The following CAMK4 variants were observed in gnomAD, a reference collection of about 807,000 sequenced individuals.
CAMK4 encodes calcium/calmodulin dependent protein kinase IV.
Under a neutral mutation model 44.9 loss-of-function variants are expected in CAMK4, and 22 were observed. That is an observed-to-expected ratio of 0.49 (90% CI 0.35 to 0.70). The LOEUF (loss-of-function observed/expected upper bound fraction) is 0.70. Among genes scored for constraint, CAMK4 ranks in the 30% least tolerant of loss-of-function variants. The pLI is 0.01. For synonymous variants in CAMK4, 218 were observed against 215.4 expected, an observed-to-expected ratio of 1.01 and a Z score of -0.11; for missense variants, 498 against 586.8, an observed-to-expected ratio of 0.85 and a Z score of 1.56.
intron 1 of CAMK4, among the ~76,000 whole-genome samples, chr5:111,278,038 T>G (rs1306460330): frequency 2.6e-5 from 4 of 152,232 alleles, no homozygotes; most frequent in Admixed American, 2.6e-4. Context: ...ATTGTAGAAT[T>G]TGAAGAATCA....
intron 2 of CAMK4, among the ~76,000 whole-genome samples, chr5:111,363,711 A>G (rs1750686178): frequency 6.6e-6 from 1 of 152,038 alleles, no homozygotes; most frequent in Admixed American, 6.6e-5. Context: ...GGAAGAGGGA[A>G]CAGCAAATGC....
At chr5:111,228,073 G>A (rs1042856336) in intron 1 of CAMK4, among the ~76,000 whole-genome samples, 5 of 152,158 alleles carry the variant, frequency 3.3e-5, no homozygotes, top group African/African-American at 7.2e-5. Flanking sequence ...TGCAGATTTC[G>A]TCTGTGCATG....
intron 1 of CAMK4, among the ~76,000 whole-genome samples, chr5:111,242,296 G>A (rs1019956980): frequency 1.3e-5 from 2 of 152,048 alleles, no homozygotes; most frequent in African/African-American, 2.4e-5. Flanking sequence ...CTTTGAAGGG[G>A]TATAATAATA....
intron 1 of CAMK4, among the ~76,000 whole-genome samples, chr5:111,293,742 CTTTTT>C (rs35117453): frequency 1.3e-4 from 11 of 83,520 alleles, no homozygotes; most frequent in African/African-American, 4.3e-4. Context: ...TGCTGCTCTA[CTTTTT>C]TTTTTTTTTT....
chr5:111,300,121 A>G lies in CAMK4; in HGVS notation c.162-43903A>G, dbSNP rs368600532. Among the ~76,000 whole-genome samples, 13 of 152,358 alleles carry G rather than the reference A, an allele frequency of 8.5e-5. No individual in the cohort carries two copies. The East Asian group carries it at 1.5e-3, about 18-fold the overall frequency. On this transcript the variant is annotated intron_variant, in intron 1 of 10. Coordinates refer to ENST00000282356, the MANE Select transcript of CAMK4 (RefSeq NM_001744.6). ...AGAGAAAATGACCAGAGAATGGAAA[A>G]TGAAACAAAGCATGGAGTGATGAAG... is the stretch of plus-strand genomic sequence containing the variant.
rs746314655 is a variant in CAMK4, at chr5:111,224,546, G to A, written c.63G>A (p.Ala21=). 8.1e-6 allele frequency: 13 copies of A among 1,611,378 alleles called. No individual in the cohort carries two copies. The highest frequency in any genetic ancestry group is 1.1e-5 in the Non-Finnish European group (13 of 1,179,336). ...CCTGCTCTTCGGTCACCGCCAGTGC[G>A]GCCCCGGGGACCGCGAGCCTCGTCC... ...ASSCSSVTAS[A]APGTASLVPD... Residue 21 remains alanine, a synonymous_variant, in exon 1 of 11, where the codon GCG becomes GCA. Coordinates refer to ENST00000282356, the MANE Select transcript of CAMK4 (RefSeq NM_001744.6). The surrounding 1 kb of genome is among the most constrained non-coding windows in gnomAD (Gnocchi z 5.7).
At chr5:111,335,406 C>T (rs1023190058) in intron 1 of CAMK4, among the ~76,000 whole-genome samples, 1 of 151,292 alleles carries the variant, frequency 6.6e-6, no homozygotes, top group Non-Finnish European at 1.5e-5. Context: ...GGGTATCTGT[C>T]TCTCAGCTAG....
At chr5:111,248,346 AAATGTTT>A (rs34219139) in intron 1 of CAMK4, among the ~76,000 whole-genome samples, 47,775 of 151,698 alleles carry the variant, frequency 0.31, 7,793 homozygotes, top group South Asian at 0.42. Context: ...AATAGCTTTT[AAATGTTT>A]GCTGGTCTTT....
intron 1 of CAMK4, among the ~76,000 whole-genome samples, chr5:111,256,481 C>T (rs1284540576): frequency 6.6e-6 from 1 of 152,066 alleles, no homozygotes; most frequent in Non-Finnish European, 1.5e-5. Flanking sequence ...AAAATATAAC[C>T]TTTGGGGGAA....
In CAMK4 at chr5:111,373,422, G is replaced by A. The variant is rs1342430339; in HGVS notation, c.241-1428G>A. ...ATTATATTTTCCAGATAAAATAAATGTAAAATATATTTATATGTTGCAACC... is the reference window on the plus strand; with the variant it reads ...ATTATATTTTCCAGATAAAATAAATATAAAATATATTTATATGTTGCAACC... On this transcript the variant is annotated intron_variant, in intron 2 of 10. Transcript: ENST00000282356. Among the ~76,000 whole-genome samples the A allele has an allele frequency of 8.7e-5, 3 of 34,306 alleles. No homozygotes were observed. In the Admixed American group the frequency reaches 1.0e-3, roughly 12 times the overall value. 22.5% of individuals were successfully genotyped at this position (34,306 alleles called of 152,430 possible). A position where few individuals can be genotyped will look rare whatever the true frequency, so the allele number is the denominator to read the frequency against.
At chr5:111,338,253 A>T (rs1749491989) in intron 1 of CAMK4, among the ~76,000 whole-genome samples, 1 of 151,200 alleles carries the variant, frequency 6.6e-6, no homozygotes, top group African/African-American at 2.4e-5. Context: ...AGAACTTAAG[A>T]ACTACTCAGT....
chr5:111,346,946 C>T (rs529084426), intron 2 of CAMK4, among the ~76,000 whole-genome samples: 8 of 152,036 alleles, frequency 5.3e-5, no homozygotes, highest in Non-Finnish European at 8.8e-5. Flanking sequence ...CCAAACTCCC[C>T]GATGGCTTAT....
At chr5:111,229,793 A>G (rs1344493106) in intron 1 of CAMK4, among the ~76,000 whole-genome samples, 2 of 152,142 alleles carry the variant, frequency 1.3e-5, no homozygotes, top group African/African-American at 4.8e-5. Context: ...TTCTCTGTGC[A>G]TCTGATTCTT....
intron 1 of CAMK4, among the ~76,000 whole-genome samples, chr5:111,315,681 C>T (rs1748391017): frequency 6.6e-6 from 1 of 152,002 alleles, no homozygotes; most frequent in African/African-American, 2.4e-5. Flanking sequence ...TCTTTTACCC[C>T]AATGTGCGTA....
rs1050913008 is a variant in CAMK4 at position 111,486,178 on chromosome 5, G to A, written c.*1712G>A. 2 of 152,024 alleles carry A rather than the reference G, an allele frequency of 1.3e-5. No individual in the cohort carries two copies. Among genetic ancestry groups the A allele is most frequent in the Admixed American group, 1.3e-4 (2 of 15,258 alleles). 9.4% of individuals were successfully genotyped at this position (152,024 alleles called of 1,614,324 possible). ...AATCTCTCTCTACTACTGTTCTCAT[G>A]GGAAGAAAACAAGGTAGGACTTCTT... On this transcript the variant is annotated 3_prime_UTR_variant, in exon 11 of 11. Coordinates refer to ENST00000282356, the MANE Select transcript of CAMK4 (RefSeq NM_001744.6).
At chr5:111,238,546 T>A (rs2112512319) in intron 1 of CAMK4, among the ~76,000 whole-genome samples, 1 of 138,076 alleles carries the variant, frequency 7.2e-6, no homozygotes, top group South Asian at 2.5e-4. Flanking sequence ...GTGAAAAAAA[T>A]GTTTTTTTTT....
intron 4 of CAMK4, among the ~76,000 whole-genome samples, chr5:111,384,998 C>T (rs925099105): frequency 2.6e-5 from 4 of 152,122 alleles, no homozygotes; most frequent in South Asian, 2.1e-4. Flanking sequence ...TCTCCACCCT[C>T]AAGGAGCTCA....
chr5:111,254,502 A>C (rs1749653991), intron 1 of CAMK4, among the ~76,000 whole-genome samples: 1 of 151,984 alleles, frequency 6.6e-6, no homozygotes, highest in Non-Finnish European at 1.5e-5. Flanking sequence ...GTAATGCCAG[A>C]AACTAATATT....
chr5:111,313,219 G>T (rs1476118109), intron 1 of CAMK4, among the ~76,000 whole-genome samples: 1 of 152,102 alleles, frequency 6.6e-6, no homozygotes, highest in Non-Finnish European at 1.5e-5. Flanking sequence ...CCTATGAGAT[G>T]TCAGTAGCAG....
Sources: allele counts gnomAD v4.1 joint callset (sites outside exome capture counted in the v4.1 genomes callset), GRCh38; gene constraint gnomAD v4.1.1; non-coding constraint Gnocchi (gnomAD v3.1); transcripts MANE v1.5; gene names NCBI Gene and HGNC (gene_info 2026-07-23, HGNC 2026-07-21).